The following DENND1A variants were observed in gnomAD, a reference collection of about 807,000 sequenced individuals.
DENND1A encodes the protein DENN domain containing 1A.
DENND1A carries 51 observed loss-of-function variants against 113.7 expected under a neutral mutation model. The observed-to-expected ratio is 0.45, with a 90% CI of 0.36 to 0.57. The LOEUF is 0.57. Ranked by LOEUF, DENND1A falls within the 20% of genes least tolerant of loss-of-function variation. DENND1A has a pLI of 0.00. For synonymous variants in DENND1A, 565 were observed against 570.8 expected, an observed-to-expected ratio of 0.99 and a Z score of 0.14; for missense variants, 1,258 against 1,395.9, an observed-to-expected ratio of 0.90 and a Z score of 1.57.
chr9:123,584,640 C>T (rs2059077546), intron 11 of DENND1A, among the ~76,000 whole-genome samples: 1 of 152,226 alleles, frequency 6.6e-6, no homozygotes, highest in Non-Finnish European at 1.5e-5. Context: ...TTATCAACCC[C>T]TGTGAAGTGG....
intron 13 of DENND1A, among the ~76,000 whole-genome samples, chr9:123,501,301 C>A (rs950350296): frequency 6.6e-6 from 1 of 152,156 alleles, no homozygotes; most frequent in African/African-American, 2.4e-5. Context: ...GTGTAATATT[C>A]CATTATTTGT....
intron 2 of DENND1A, among the ~76,000 whole-genome samples, chr9:123,809,125 G>A (rs867478018): frequency 1.3e-5 from 2 of 152,150 alleles, no homozygotes; most frequent in South Asian, 2.1e-4. Context: ...TAGAAGGAAC[G>A]GCACGATGGT....
chr9:123,903,249 G>A lies in DENND1A; in HGVS notation c.18-24228C>T, dbSNP rs897804678. Among the ~76,000 whole-genome samples the A allele has an allele frequency of 1.9e-4, 27 of 142,820 alleles. No homozygotes were observed. In the South Asian group the frequency reaches 2.1e-3, roughly 11 times the overall value. The allele number at this position is 142,820 out of a possible 152,430, so 93.7% of individuals were successfully genotyped here. On this transcript the variant is annotated intron_variant, in intron 1 of 23. Transcript: ENST00000394215. ...TGGGAGGCTGAGGCAGGAGAATGGC[G>A]TGAACCCGGGAGGCGGAGCTTGCAG...
chr9:123,791,267 A>T (rs1832955458), intron 3 of DENND1A, among the ~76,000 whole-genome samples: 1 of 152,138 alleles, frequency 6.6e-6, no homozygotes, highest in Non-Finnish European at 1.5e-5. Context: ...AAGATTTTCC[A>T]GCCTTTATAT....
chr9:123,652,139 A>C lies in DENND1A; in HGVS notation c.508-16T>G, dbSNP rs1358933605. On this transcript the variant is annotated splice_polypyrimidine_tract_variant and intron_variant, in intron 8 of 23. Coordinates refer to ENST00000394215, the MANE Select transcript of DENND1A (RefSeq NM_001352964.2). ...TCAGATTTCTCTAGGAGAAAGAAGA[A>C]GGCACGGTTTGTGGCTGATTTTCTT... 6 of 1,607,552 alleles carry C rather than the reference A, an allele frequency of 3.7e-6. No individual in the cohort carries two copies. The highest frequency in any genetic ancestry group is 2.2e-5 in the South Asian group (2 of 90,910).
At chr9:123,549,110 T>C (rs2135819407) in intron 13 of DENND1A, among the ~76,000 whole-genome samples, 1 of 152,334 alleles carries the variant, frequency 6.6e-6, no homozygotes, top group South Asian at 2.1e-4. Context: ...GCATGGGCTC[T>C]TTAGACAGAC....
chr9:123,596,240 A>C (rs1184983388), intron 11 of DENND1A, among the ~76,000 whole-genome samples: 2 of 152,186 alleles, frequency 1.3e-5, no homozygotes, highest in Non-Finnish European at 2.9e-5. Context: ...AGTGAACAAC[A>C]GATTCTTTGG....
At chr9:123,384,037 G>C in intron 22 of DENND1A, 124 bp from the exon 23 acceptor site, 1 of 1,305,678 alleles carries the variant, frequency 7.7e-7, no homozygotes, top group Non-Finnish European at 1.0e-6. Flanking sequence ...ACAGGAGAGT[G>C]TCCCGGGGTC....
At chr9:123,427,237 C>A (rs1050227899) in intron 19 of DENND1A, among the ~76,000 whole-genome samples, 2 of 152,266 alleles carry the variant, frequency 1.3e-5, no homozygotes, top group Non-Finnish European at 2.9e-5. Context: ...TTGAACCACT[C>A]ACCACGAGAA....
chr9:123,772,285 C>T (rs1006057747), intron 3 of DENND1A, among the ~76,000 whole-genome samples: 4 of 152,040 alleles, frequency 2.6e-5, no homozygotes, highest in African/African-American at 9.7e-5. Flanking sequence ...TGAAAAGTAC[C>T]ACTCTCCAAG....
At chr9:123,752,430 T>A (rs2070137028) in intron 5 of DENND1A, among the ~76,000 whole-genome samples, 1 of 152,240 alleles carries the variant, frequency 6.6e-6, no homozygotes, top group East Asian at 1.9e-4. Context: ...ATTAGTTTTA[T>A]TTGGGTGTAA....
At chr9:123,421,530 G>A (rs1468060550) in intron 19 of DENND1A, among the ~76,000 whole-genome samples, 1 of 152,104 alleles carries the variant, frequency 6.6e-6, no homozygotes, top group African/African-American at 2.4e-5. Flanking sequence ...AGTCTGTTCT[G>A]ACCACACAGA....
intron 9 of DENND1A, among the ~76,000 whole-genome samples, chr9:123,644,482 G>T (rs12156647): frequency 4.0e-4 from 59 of 146,762 alleles, no homozygotes; most frequent in Middle Eastern, 7.0e-3. Flanking sequence ...TTATCCACCA[G>T]ATTTGGCTCA....
rs555731367 is a variant in DENND1A at position 123,845,670 on chromosome 9, C to CAAAAAAAA, written c.88+33273_88+33280dup. Among the ~76,000 whole-genome samples the CAAAAAAAA allele has an allele frequency of 3.9e-4, 17 of 44,088 alleles. 1 individual carries two copies. The highest frequency in any genetic ancestry group is 1.2e-3 in the African/African-American group (15 of 12,922). 28.9% of individuals were successfully genotyped at this position (44,088 alleles called of 152,430 possible). Reference sequence around the variant, plus strand: ...GGGTGACCAAGTGAGAACCTGTCTCCAAAAAAAAAAAAAAAAAAAAAAAAA... The same window carrying CAAAAAAAA: ...GGGTGACCAAGTGAGAACCTGTCTCCAAAAAAAAAAAAAAAAAAAAAAAAAAAAAAAAA... On this transcript the variant is annotated intron_variant, in intron 2 of 23. Coordinates refer to ENST00000394215, the MANE Select transcript of DENND1A (RefSeq NM_001352964.2).
chr9:123,429,261 A>G (rs1185618810), intron 19 of DENND1A, among the ~76,000 whole-genome samples: 1 of 152,220 alleles, frequency 6.6e-6, no homozygotes, highest in Non-Finnish European at 1.5e-5. Flanking sequence ...ATCTTCAACA[A>G]ACAAGCAATA....
chr9:123,543,905 AGT>A (rs10580327), intron 13 of DENND1A, among the ~76,000 whole-genome samples: 80,639 of 151,650 alleles, frequency 0.53, 24,992 homozygotes, highest in African/African-American at 0.87. Flanking sequence ...CTTATTTGTC[AGT>A]GTGTGTGCAA....
intron 21 of DENND1A, 59 bp from the exon 22 acceptor site, chr9:123,387,917 T>C (rs2042651702): frequency 1.6e-6 from 2 of 1,269,766 alleles, no homozygotes; most frequent in Non-Finnish European, 2.1e-6. Context: ...CCTCAGAACT[T>C]CACGTGCAGG....
intron 5 of DENND1A, among the ~76,000 whole-genome samples, chr9:123,709,778 GAC>G (rs1262733743): frequency 6.6e-6 from 1 of 152,160 alleles, no homozygotes; most frequent in Non-Finnish European, 1.5e-5. Flanking sequence ...CAAAATATAT[GAC>G]AGTTTCCATT....
At chr9:123,561,313 C>T (rs111466257) in intron 12 of DENND1A, among the ~76,000 whole-genome samples, 97 of 152,110 alleles carry the variant, frequency 6.4e-4, no homozygotes, top group Non-Finnish European at 8.2e-4. Context: ...TGAGCAAATA[C>T]GAGTGTGTCC....
Sources: allele counts gnomAD v4.1 joint callset (sites outside exome capture counted in the v4.1 genomes callset), GRCh38; gene constraint gnomAD v4.1.1; transcripts MANE v1.5; gene names NCBI Gene and HGNC (gene_info 2026-07-23, HGNC 2026-07-21).